The following ROBO2 variants were observed in gnomAD, a reference collection of about 807,000 sequenced individuals.
The protein encoded by ROBO2 is roundabout homolog 2.
A neutral mutation model predicts 160.8 loss-of-function variants in ROBO2; 53 were observed. The ratio of observed to expected loss-of-function variants is 0.33; its 90% CI spans 0.26 to 0.41. ROBO2 has a LOEUF of 0.41. Ranked by LOEUF, ROBO2 falls within the 10% of genes least tolerant of loss-of-function variation. The pLI is 1.00. For missense variants in ROBO2, 1,577 were observed against 1,722.4 expected (o/e 0.92, Z 1.49); for synonymous variants, 664 against 611.7 (o/e 1.09, Z -1.26).
At chr3:76,183,736 C>A (rs1701616809) in intron 2 of ROBO2, among the ~76,000 whole-genome samples, 1 of 151,996 alleles carries the variant, frequency 6.6e-6, no homozygotes, top group Admixed American at 6.6e-5. Context: ...TTCACAACAG[C>A]CCTATGAGGC....
At chr3:76,052,232 G>C (rs1271883660) in intron 2 of ROBO2, among the ~76,000 whole-genome samples, 1 of 152,022 alleles carries the variant, frequency 6.6e-6, no homozygotes, top group Non-Finnish European at 1.5e-5. Context: ...TGCCAATTCT[G>C]TTTAAAATTA....
At chr3:76,433,931 T>C in intron 2 of ROBO2, 2 of 650,742 alleles carry the variant, frequency 3.1e-6, no homozygotes, top group Non-Finnish European at 5.6e-6. Flanking sequence ...TGAATTTATT[T>C]ATCCATCTTG....
intron 24 of ROBO2, 98 bp from the exon 27 acceptor site, chr3:77,644,606 G>A (rs912775344): frequency 3.7e-5 from 39 of 1,046,426 alleles, no homozygotes; most frequent in Non-Finnish European, 4.8e-5. Flanking sequence ...GAATGAAATG[G>A]TAAAGTAGGC....
chr3:77,146,660 G>T (rs560088213), intron 2 of ROBO2, among the ~76,000 whole-genome samples: 1 of 149,476 alleles, frequency 6.7e-6, no homozygotes, highest in Non-Finnish European at 1.5e-5. Context: ...TCAGGTATGC[G>T]TACAGGTGTA....
chr3:76,981,134 C>T (rs141461075), intron 2 of ROBO2, among the ~76,000 whole-genome samples: 2 of 152,310 alleles, frequency 1.3e-5, no homozygotes, highest in Non-Finnish European at 2.9e-5. Flanking sequence ...ATTATGAACA[C>T]TGTTGCTATA....
At chr3:76,102,925 C>T (rs986591709) in intron 2 of ROBO2, among the ~76,000 whole-genome samples, 13 of 151,838 alleles carry the variant, frequency 8.6e-5, no homozygotes, top group African/African-American at 2.4e-4. Flanking sequence ...CCCGGGTTCA[C>T]GCCGTTCTCC....
At chr3:77,013,317 C>A (rs990010158) in intron 2 of ROBO2, among the ~76,000 whole-genome samples, 3 of 151,944 alleles carry the variant, frequency 2.0e-5, no homozygotes, top group Admixed American at 6.6e-5. Context: ...TTTCTATTAA[C>A]TAAATTATAT....
intron 2 of ROBO2, among the ~76,000 whole-genome samples, chr3:76,145,985 T>G (rs898095357): frequency 1.5e-4 from 23 of 152,062 alleles, no homozygotes; most frequent in African/African-American, 5.6e-4. Flanking sequence ...CTTAATTTCG[T>G]TGATTCCACT....
At chr3:77,360,747 A>T (rs1199605027) in intron 2 of ROBO2, among the ~76,000 whole-genome samples, 1 of 151,966 alleles carries the variant, frequency 6.6e-6, no homozygotes, top group Non-Finnish European at 1.5e-5. Flanking sequence ...CTCCTCTCTG[A>T]CTTTTTAAGC....
intron 4 of ROBO2, among the ~76,000 whole-genome samples, chr3:77,484,662 C>A (rs1292447101): frequency 6.6e-6 from 1 of 151,910 alleles, no homozygotes; most frequent in Non-Finnish European, 1.5e-5. Flanking sequence ...CATTATTTGA[C>A]TTCCTATTAT....
At chr3:76,915,455 G>A (rs963503164) in intron 2 of ROBO2, among the ~76,000 whole-genome samples, 20 of 152,184 alleles carry the variant, frequency 1.3e-4, no homozygotes, top group African/African-American at 3.4e-4. Flanking sequence ...GAGGTCAGGA[G>A]TTTGAGTCCA....
At chr3:76,671,071 A>G (rs1297860769) in intron 2 of ROBO2, among the ~76,000 whole-genome samples, 1 of 152,162 alleles carries the variant, frequency 6.6e-6, no homozygotes, top group Non-Finnish European at 1.5e-5. Context: ...ACTTAACAGT[A>G]CTTTAAAACA....
chr3:77,433,663 A>G (rs777497934), intron 2 of ROBO2, among the ~76,000 whole-genome samples: 6 of 151,686 alleles, frequency 4.0e-5, no homozygotes, highest in Non-Finnish European at 5.9e-5. Context: ...TAACTCTCAA[A>G]TGTATAACTC....
intron 19 of ROBO2, among the ~76,000 whole-genome samples, chr3:77,601,864 T>C (rs778568379): frequency 6.6e-6 from 1 of 152,234 alleles, no homozygotes; most frequent in Non-Finnish European, 1.5e-5. Context: ...TCAGTATCAT[T>C]GCAACTGTAA....
rs567258585 is a variant in ROBO2 at position 77,443,635 on chromosome 3, T to C, written c.389-33779T>C. 2.6e-4 allele frequency among the ~76,000 whole-genome samples: 37 copies of C among 144,150 alleles called. No homozygotes were observed. In the South Asian group the frequency reaches 4.4e-3, roughly 17 times the overall value. The allele number at this position is 144,150 out of a possible 152,430, so 94.6% of individuals were successfully genotyped here. On this transcript the variant is annotated intron_variant, in intron 2 of 25. Coordinates refer to ENST00000461745, the Ensembl canonical transcript of ROBO2. The stretch of plus-strand genomic sequence containing the variant: ...GAAGAAATTGAGAAAAATACTATAA[T>C]TTTTTTTCCCTTTAACATTTTTACC...
intron 2 of ROBO2, among the ~76,000 whole-genome samples, chr3:76,609,912 A>C (rs2087954546): frequency 6.6e-6 from 1 of 152,080 alleles, no homozygotes; most frequent in African/African-American, 2.4e-5. Context: ...TAGGGCTTAG[A>C]GATGTTGAAT....
chr3:76,769,169 G>A (rs762509866), intron 2 of ROBO2, among the ~76,000 whole-genome samples: 1 of 151,458 alleles, frequency 6.6e-6, no homozygotes, highest in African/African-American at 2.4e-5. Context: ...TAGATGTGAT[G>A]ATGCTCAAAG....
intron 9 of ROBO2, among the ~76,000 whole-genome samples, chr3:77,561,824 C>A (rs936054479): frequency 7.9e-5 from 12 of 151,994 alleles, no homozygotes; most frequent in Non-Finnish European, 1.5e-4. Context: ...CTTTTTCTGG[C>A]TGGGCACGGT....
intron 2 of ROBO2, among the ~76,000 whole-genome samples, chr3:76,975,330 C>T (rs113290588): frequency 0.046 from 6,986 of 152,124 alleles, 563 homozygotes; most frequent in African/African-American, 0.16. Flanking sequence ...CATGGCGAAA[C>T]CCCGTCTCTG....
Sources: allele counts gnomAD v4.1 joint callset (sites outside exome capture counted in the v4.1 genomes callset), GRCh38; gene constraint gnomAD v4.1.1; transcripts MANE v1.5; gene names NCBI Gene and HGNC (gene_info 2026-07-23, HGNC 2026-07-21).